The following RRBP1 variants were observed in gnomAD, a reference collection of about 807,000 sequenced individuals.
The protein encoded by RRBP1 is ribosome-binding protein 1.
In RRBP1, 94 loss-of-function variants were observed where a neutral mutation model predicts 165.2. The ratio of observed to expected loss-of-function variants is 0.57; its 90% CI spans 0.48 to 0.68. The LOEUF (loss-of-function observed/expected upper bound fraction) is 0.68. Ranked by LOEUF, RRBP1 falls within the 30% of genes least tolerant of loss-of-function variation. RRBP1 has a pLI of 0.00. For synonymous variants in RRBP1, 680 were observed against 714.5 expected, an observed-to-expected ratio of 0.95 and a Z score of 0.77; for missense variants, 1,676 against 1,763.0, an observed-to-expected ratio of 0.95 and a Z score of 0.88.
At chr20:17,620,419 C>T (rs1397473555) in intron 17 of RRBP1, 49 bp from the exon 18 acceptor site, 2 of 1,534,008 alleles carry the variant, frequency 1.3e-6, no homozygotes, top group East Asian at 2.2e-5. Flanking sequence ...CTGGGGGTGT[C>T]TCCTTCCGAG....
intron 2 of RRBP1, among the ~76,000 whole-genome samples, chr20:17,676,556 C>T (rs1341819032): frequency 6.6e-6 from 1 of 152,166 alleles, no homozygotes; most frequent in East Asian, 1.9e-4. Flanking sequence ...CCGGTCACAC[C>T]GGACAGCCCC....
Position 17,660,169 on chromosome 20 carries a change from C to A in RRBP1, c.339G>T (p.Gln113His), listed in dbSNP as rs767392658. The stretch of plus-strand genomic sequence containing the variant: ...CGACAGGAGCAACGATAATGGGGGG[C>A]TGCACTGGGGTTGGAGCCACAGCCA... ...PAVAVAPTPV[Q>H]PPIIVAPVAT... is the part of the protein sequence containing the mutation. Residue 113 changes from glutamine (Q) to histidine (H), a missense_variant, in exon 3 of 25, where the codon CAG (glutamine) becomes CAT (histidine). Transcript: ENST00000377813. 1 of 1,614,128 alleles carries A rather than the reference C, an allele frequency of 6.2e-7. No individual in the cohort carries two copies. The highest frequency in any genetic ancestry group is 1.7e-5 in the Admixed American group (1 of 60,032).
In RRBP1 at chr20:17,658,742, T is replaced by A. The variant is rs1028893829; in HGVS notation, c.1766A>T (p.Lys589Met). 6 of 1,612,716 alleles carry A rather than the reference T, an allele frequency of 3.7e-6. No homozygotes were observed. The highest frequency in any genetic ancestry group is 5.1e-6 in the Non-Finnish European group (6 of 1,178,802). The change falls in exon 3 of 25, where the codon AAG (lysine) becomes ATG (methionine). Residue 589 changes from lysine (K) to methionine (M), a missense_variant. Physicochemically the swap from Lys to Met is moderately conservative, Grantham distance 95. Around this residue, in one of 5 missense-constraint regions of RRBP1, gnomAD observed 1,184 missense variants for 1,167.1 expected, o/e 1.01. Transcript: ENST00000377813. ...KAEGSPNQGK[K>M]ADAAANQGKK... ...ACCCTGATTGGCAGCTGCGTCTGCC[T>A]TTTTGCCTTGGTTGGGGGACCCTTC...
At position 17,627,263 on chromosome 20, in the gene RRBP1, C is replaced by T; in HGVS notation, c.2963+85G>A. On this transcript the variant is annotated intron_variant, in intron 11 of 24. Transcript: ENST00000377813. ...GCTCTTCTGCAGAGGACCTGAGCAC[C>T]CTCCTGAAAACCCTGGCCCCCCAAG... The T allele has an allele frequency of 2.8e-6, 4 of 1,409,462 alleles. No homozygotes were observed. The South Asian group carries it at 5.1e-5, about 18-fold the overall frequency. 87.3% of individuals were successfully genotyped at this position (1,409,462 alleles called of 1,614,324 possible).
Position 17,627,549 on chromosome 20 carries a change from C to T in RRBP1, c.2883G>A (p.Glu961=). 8 of 1,613,302 alleles carry T rather than the reference C, an allele frequency of 5.0e-6. No homozygotes were observed. Among genetic ancestry groups the T allele is most frequent in the Non-Finnish European group, 6.8e-6 (8 of 1,179,798 alleles). Residue 961 remains glutamate, a synonymous_variant, in exon 10 of 25, where the codon GAG becomes GAA. Coordinates refer to ENST00000377813, the MANE Select transcript of RRBP1 (RefSeq NM_001365613.2). ...GCGCCTGGCCCGCCTCCAGCAGGGCCTCAATGGAACGGATTCTCTCTGTGA... is the reference window on the plus strand; with the variant it reads ...GCGCCTGGCCCGCCTCCAGCAGGGCTTCAATGGAACGGATTCTCTCTGTGA... ...SQLTERIRSI[E]ALLEAGQARD...
intron 8 of RRBP1, among the ~76,000 whole-genome samples, chr20:17,633,057 G>A (rs891543430): frequency 6.6e-5 from 10 of 152,190 alleles, no homozygotes; most frequent in African/African-American, 2.2e-4. Context: ...GCTCCAGAGC[G>A]AGACTTGGGG....
chr20:17,616,985 T>C, intron 20 of RRBP1, 146 bp from the exon 21 acceptor site: 2 of 721,632 alleles, frequency 2.8e-6, no homozygotes, highest in African/African-American at 1.8e-5. Flanking sequence ...CTGTGACCTA[T>C]GTCTGGCCAC....
chr20:17,660,477 C>T lies in RRBP1; in HGVS notation c.31G>A (p.Val11Ile). MDIYDTQTLG[V>I]VVFGGFMVVS... Reference sequence around the variant, plus strand: ...ACCATGAATCCTCCAAAGACCACAACCCCCAAGGTTTGAGTGTCGTAAATA... The same window carrying T: ...ACCATGAATCCTCCAAAGACCACAATCCCCAAGGTTTGAGTGTCGTAAATA... Residue 11 changes from valine to isoleucine, a missense_variant, in exon 3 of 25, where the codon GTT (valine) becomes ATT (isoleucine). This residue lies in a region of RRBP1 where 392 missense variants were observed against 382.5 expected (regional missense o/e 1.02). Coordinates refer to ENST00000377813, the MANE Select transcript of RRBP1 (RefSeq NM_001365613.2). The T allele has an allele frequency of 1.2e-6, 2 of 1,614,012 alleles. No homozygotes were observed. The highest frequency in any genetic ancestry group is 1.1e-5 in the South Asian group (1 of 91,068).
Position 17,658,935 on chromosome 20 carries a change from C to T in RRBP1, c.1573G>A (p.Ala525Thr), listed in dbSNP as rs1036982434. ...CTCCTTTCTGCCTTTTTGCCCTGAG[C>T]CCCTTCTGTCTTTTTACCCTGATTC... is the stretch of plus-strand genomic sequence containing the variant. ...AQNQGKKTEG[A>T]QGKKAERSPN... The change falls in exon 3 of 25, where the codon GCT (alanine) becomes ACT (threonine). Residue 525 changes from alanine (A) to threonine (T), a missense_variant. This residue lies in a region of RRBP1 where 1,184 missense variants were observed against 1,167.1 expected (regional missense o/e 1.01). Coordinates refer to ENST00000377813, the MANE Select transcript of RRBP1 (RefSeq NM_001365613.2). The T allele has an allele frequency of 1.9e-6, 3 of 1,612,864 alleles. No homozygotes were observed. Among genetic ancestry groups the T allele is most frequent in the African/African-American group, 1.3e-5 (1 of 74,906 alleles).
intron 2 of RRBP1, among the ~76,000 whole-genome samples, chr20:17,666,712 G>A (rs934581626): frequency 5.9e-5 from 9 of 152,206 alleles, no homozygotes; most frequent in Non-Finnish European, 2.9e-5. Flanking sequence ...TGTGCAATAA[G>A]CTGCCTTGTA....
intron 3 of RRBP1, among the ~76,000 whole-genome samples, chr20:17,658,017 A>T (rs1364924341): frequency 6.6e-6 from 1 of 152,102 alleles, no homozygotes; most frequent in Non-Finnish European, 1.5e-5. Context: ...AACACGCAGA[A>T]CTCTTCTACA....
intron 21 of RRBP1, 119 bp from the exon 22 acceptor site, chr20:17,616,128 G>T (rs1238822535): frequency 3.6e-6 from 3 of 823,780 alleles, no homozygotes; most frequent in Non-Finnish European, 5.6e-6. Flanking sequence ...CTGCCCCAAC[G>T]CTCCCCTCGT....
At chr20:17,681,840 G>A (rs1476173757) in intron 1 of RRBP1, among the ~76,000 whole-genome samples, 188 bp downstream of exon 1, 1 of 148,752 alleles carries the variant, frequency 6.7e-6, no homozygotes. Context: ...CGCTTGCCCG[G>A]CACCCCCGCC....
chr20:17,642,414 G>C (rs2036380672), intron 4 of RRBP1, among the ~76,000 whole-genome samples: 1 of 152,154 alleles, frequency 6.6e-6, no homozygotes, highest in Non-Finnish European at 1.5e-5. Context: ...AGACTGTGCA[G>C]GATGTGTATG....
Position 17,625,549 on chromosome 20 carries a change from A to C in RRBP1, c.3017T>G (p.Leu1006Arg), listed in dbSNP as rs776337099. ...TTTCTGCTGCTCGACGGCCTCCCTG[A>C]GCTCGATGGCCTCCTTCTCCAGACC... ...VSGLEKEAIE[L>R]REAVEQQKVK... The change falls in exon 12 of 25, where the codon CTC (leucine) becomes CGC (arginine). Residue 1006 changes from leucine (L) to arginine (R), a missense_variant. Physicochemically the swap from Leu to Arg is moderately radical, Grantham distance 102. This residue lies in a region of RRBP1 where 1,184 missense variants were observed against 1,167.1 expected (regional missense o/e 1.01). Transcript: ENST00000377813. 39 of 1,613,638 alleles carry C rather than the reference A, an allele frequency of 2.4e-5. No homozygotes were observed. Among genetic ancestry groups the C allele is most frequent in the Non-Finnish European group, 3.3e-5 (39 of 1,179,910 alleles).
At chr20:17,622,480 C>T (rs1362598857) in intron 13 of RRBP1, among the ~76,000 whole-genome samples, 2 of 151,968 alleles carry the variant, frequency 1.3e-5, no homozygotes, top group Admixed American at 6.5e-5. Flanking sequence ...GAAGGGGCAA[C>T]CCAGAGAGGC....
rs770766468 is a variant in RRBP1, at chr20:17,627,621, A to G, written c.2811T>C (p.Ser937=). ...CCTCCTGGAGCTGCCCGTGGAGGCCACTCAGCTCCTCGCATTTGCTGCGCA... is the reference window on the plus strand; with the variant it reads ...CCTCCTGGAGCTGCCCGTGGAGGCCGCTCAGCTCCTCGCATTTGCTGCGCA... ...AEVRSKCEEL[S]GLHGQLQEAR... is the part of the protein sequence containing the mutation. Residue 937 remains serine, a synonymous_variant, in exon 10 of 25, where the codon AGT becomes AGC. Transcript: ENST00000377813. 4 of 1,613,188 alleles carry G rather than the reference A, an allele frequency of 2.5e-6. No homozygotes were observed. In the Admixed American group the frequency reaches 6.7e-5, roughly 27 times the overall value.
Position 17,659,036 on chromosome 20 carries a change from T to C in RRBP1, c.1472A>G (p.Lys491Arg). ...GCCCTGGTTCTGAGCCCCCTCGGCC[T>C]TCTTGCCCTGGTTCTGGGCCCCCTC... ...KAEGAQNQGK[K>R]AEGAQNQGKK... Residue 491 changes from lysine (K) to arginine (R), a missense_variant, in exon 3 of 25, where the codon AAG becomes AGG. Lys to Arg is a conservative substitution (Grantham distance 26, BLOSUM62 2). Transcript: ENST00000377813. 6.4e-7 allele frequency: 1 copy of C among 1,568,226 alleles called. No homozygotes were observed. The highest frequency in any genetic ancestry group is 2.4e-5 in the East Asian group (1 of 42,524).
At chr20:17,627,860 T>C (rs756523397) in intron 9 of RRBP1, among the ~76,000 whole-genome samples, 178 bp from the exon 10 acceptor site, 3 of 152,176 alleles carry the variant, frequency 2.0e-5, no homozygotes, top group Non-Finnish European at 2.9e-5. Context: ...TTGTTAGCGG[T>C]TGAAGAAAGT....
Sources: gnomAD v4.1 joint callset for allele counts (sites outside exome capture counted in the v4.1 genomes callset) on GRCh38, gnomAD v4.1.1 for gene constraint, gnomAD v4.1.1 regional missense constraint, MANE v1.5 for transcripts, NCBI Gene and HGNC (gene_info 2026-07-23, HGNC 2026-07-21) for gene names.